Variants in ANKRD33B observed in about 807,000 individuals in gnomAD.
The protein encoded by ANKRD33B is ankyrin repeat domain 33B.
ANKRD33B carries 6 observed loss-of-function variants against 21.5 expected under a neutral mutation model. The ratio of observed to expected loss-of-function variants is 0.28; its 90% CI spans 0.15 to 0.55. The LOEUF is 0.55. Ranked by LOEUF, ANKRD33B falls within the 20% of genes least tolerant of loss-of-function variation. ANKRD33B has a pLI of 0.94. For missense variants in ANKRD33B, 698 were observed against 747.2 expected, an observed-to-expected ratio of 0.93 and a Z score of 0.77; for synonymous variants, 347 against 342.4, an observed-to-expected ratio of 1.01 and a Z score of -0.15.
Position 10,655,427 on chromosome 5 carries a change from C to G in ANKRD33B, c.*5314C>G, listed in dbSNP as rs12515533. Reference sequence around the variant, plus strand: ...AGCCCGCCTCCAAGAGCACTACACTCCCCCCAGCCCCACCGGCCACACTAC... The same window carrying G: ...AGCCCGCCTCCAAGAGCACTACACTGCCCCCAGCCCCACCGGCCACACTAC... On this transcript the variant is annotated 3_prime_UTR_variant, in exon 4 of 4. Coordinates refer to ENST00000296657, the MANE Select transcript of ANKRD33B (RefSeq NM_001164440.2). The G allele has an allele frequency of 3.9e-5, 6 of 152,354 alleles. No homozygotes were observed. Among genetic ancestry groups the G allele is most frequent in the Non-Finnish European group, 4.4e-5 (3 of 68,054 alleles). 9.4% of individuals were successfully genotyped at this position (152,354 alleles called of 1,614,324 possible).
At chr5:10,574,540 A>G (rs1400129034) in intron 1 of ANKRD33B, among the ~76,000 whole-genome samples, 2 of 152,236 alleles carry the variant, frequency 1.3e-5, no homozygotes, top group Non-Finnish European at 2.9e-5. Flanking sequence ...TCTTGAAGGA[A>G]AATTACAGGT....
At position 10,564,077 on chromosome 5, in the gene ANKRD33B, G is replaced by A. The variant is rs1734985114; in HGVS notation, c.-391G>A. On this transcript the variant is annotated 5_prime_UTR_variant, in exon 1 of 4. Transcript: ENST00000296657. ...CTCGGGTTCGGCTTCTTTAGTGATT[G>A]CTTCTGCTTCTCCCGCGCCAGCTGT... Among the ~76,000 whole-genome samples the A allele has an allele frequency of 6.6e-6, 1 of 152,104 alleles. No individual in the cohort carries two copies. The highest frequency in any genetic ancestry group is 1.5e-5 in the Non-Finnish European group (1 of 67,994).
chr5:10,650,933 G>GA lies in ANKRD33B; in HGVS notation c.*827dup, dbSNP rs1254409452. 1.3e-5 allele frequency: 2 copies of GA among 152,276 alleles called. No individual in the cohort carries two copies. Among genetic ancestry groups the GA allele is most frequent in the Admixed American group, 6.5e-5 (1 of 15,290 alleles). 9.4% of individuals were successfully genotyped at this position (152,276 alleles called of 1,614,324 possible). A position where few individuals can be genotyped will look rare whatever the true frequency, so the allele number is the denominator to read the frequency against. On this transcript the variant is annotated 3_prime_UTR_variant, in exon 4 of 4. Coordinates refer to ENST00000296657, the MANE Select transcript of ANKRD33B (RefSeq NM_001164440.2). ...TCTTTAACATTAAAAATAGATATGA[G>GA]AAAAAAACTGTCATTCGATAAAATG...
chr5:10,583,296 G>T (rs373627794), intron 1 of ANKRD33B, among the ~76,000 whole-genome samples: 2 of 152,062 alleles, frequency 1.3e-5, no homozygotes, highest in Non-Finnish European at 2.9e-5. Flanking sequence ...CACCGCGCCC[G>T]ACCTGTCCCT....
intron 1 of ANKRD33B, among the ~76,000 whole-genome samples, chr5:10,571,564 G>A (rs1735195272): frequency 6.6e-6 from 1 of 152,164 alleles, no homozygotes; most frequent in Non-Finnish European, 1.5e-5. Context: ...AACCCAGAGT[G>A]TGCTTTTCAT....
At chr5:10,640,228 G>A (rs1004312050) in intron 3 of ANKRD33B, among the ~76,000 whole-genome samples, 63 of 152,166 alleles carry the variant, frequency 4.1e-4, no homozygotes, top group African/African-American at 1.5e-3. Flanking sequence ...GGCAATTTCC[G>A]TTTTCTATGC....
chr5:10,640,558 C>T (rs893275186), intron 3 of ANKRD33B, among the ~76,000 whole-genome samples: 3 of 152,228 alleles, frequency 2.0e-5, no homozygotes, highest in Non-Finnish European at 4.4e-5. Context: ...AAATATGTGT[C>T]AAGCACATGT....
chr5:10,634,267 G>A (rs997271869), intron 2 of ANKRD33B, among the ~76,000 whole-genome samples: 4 of 152,110 alleles, frequency 2.6e-5, no homozygotes, highest in Non-Finnish European at 5.9e-5. Context: ...TTCCAGTGAC[G>A]CGATTTCATT....
At chr5:10,642,850 A>G (rs1412358074) in intron 3 of ANKRD33B, among the ~76,000 whole-genome samples, 1 of 152,046 alleles carries the variant, frequency 6.6e-6, no homozygotes, top group Non-Finnish European at 1.5e-5. Context: ...GTAAGCCCCT[A>G]CCTCAGGGTT....
At chr5:10,596,614 A>C (rs1445645646) in intron 1 of ANKRD33B, among the ~76,000 whole-genome samples, 1 of 152,210 alleles carries the variant, frequency 6.6e-6, no homozygotes, top group Non-Finnish European at 1.5e-5. Flanking sequence ...CCAATTTGGA[A>C]AACATAATTC....
chr5:10,587,154 A>G (rs759089274), intron 1 of ANKRD33B, among the ~76,000 whole-genome samples: 13 of 152,142 alleles, frequency 8.5e-5, no homozygotes, highest in Non-Finnish European at 1.6e-4. Flanking sequence ...AGCTGGGATT[A>G]CAGACGCCCG....
intron 1 of ANKRD33B, among the ~76,000 whole-genome samples, chr5:10,613,000 C>T (rs901476877): frequency 2.6e-5 from 4 of 152,170 alleles, no homozygotes; most frequent in East Asian, 1.9e-4. Flanking sequence ...GTACTCTCTT[C>T]GTTCTTGGAA....
At chr5:10,621,232 CCAGCTGT>C (rs1736412828) in intron 2 of ANKRD33B, among the ~76,000 whole-genome samples, 1 of 152,168 alleles carries the variant, frequency 6.6e-6, no homozygotes, top group South Asian at 2.1e-4. Flanking sequence ...CTGTCTGTAA[CCAGCTGT>C]ATCTTCAAGG....
intron 2 of ANKRD33B, among the ~76,000 whole-genome samples, chr5:10,629,592 T>TA (rs1440899839): frequency 6.6e-6 from 1 of 151,976 alleles, no homozygotes; most frequent in Non-Finnish European, 1.5e-5. Flanking sequence ...GATACTCAGG[T>TA]AAAAAACTGA....
At chr5:10,620,975 A>G (rs1206254301) in intron 2 of ANKRD33B, among the ~76,000 whole-genome samples, 1 of 152,180 alleles carries the variant, frequency 6.6e-6, no homozygotes, top group Admixed American at 6.5e-5. Flanking sequence ...ATATTTTTCT[A>G]TAAAGAAGAG....
intron 2 of ANKRD33B, among the ~76,000 whole-genome samples, chr5:10,632,814 G>A (rs1474851984): frequency 6.6e-6 from 1 of 152,168 alleles, no homozygotes; most frequent in African/African-American, 2.4e-5. Context: ...TTGAGACAGT[G>A]TCTTGCTCTG....
intron 1 of ANKRD33B, among the ~76,000 whole-genome samples, chr5:10,606,047 G>A (rs1339219493): frequency 6.6e-6 from 1 of 152,180 alleles, no homozygotes; most frequent in Non-Finnish European, 1.5e-5. Context: ...TATGATCACT[G>A]CGTGGAAACC....
chr5:10,616,469 C>T (rs1416308114), intron 1 of ANKRD33B, among the ~76,000 whole-genome samples: 1 of 147,926 alleles, frequency 6.8e-6, no homozygotes, highest in Non-Finnish European at 1.5e-5. Context: ...GAGACTGAAG[C>T]AGGAGAATCG....
In ANKRD33B at chr5:10,649,298, G is replaced by A. The variant is rs1402289952; in HGVS notation, c.670G>A (p.Gly224Arg). The change falls in exon 4 of 4, where the codon GGG becomes AGG. Residue 224 changes from glycine to arginine, a missense_variant. Around this residue, in one of 3 missense-constraint regions of ANKRD33B, gnomAD observed 543 missense variants for 566.5 expected, o/e 0.96. Coordinates refer to ENST00000296657, the MANE Select transcript of ANKRD33B (RefSeq NM_001164440.2). ...TGTCCACGCGAGGGACCCCCGCCGT[G>A]GGATGTCGCCGCAGGAGTGGGCCAC... is the stretch of plus-strand genomic sequence containing the variant. ...ADVHARDPRR[G>R]MSPQEWATYT... The A allele has an allele frequency of 1.3e-6, 2 of 1,529,570 alleles. No individual in the cohort carries two copies. The highest frequency in any genetic ancestry group is 2.5e-5 in the East Asian group (1 of 40,730). 94.7% of individuals were successfully genotyped at this position (1,529,570 alleles called of 1,614,324 possible).
Sources: gnomAD v4.1 joint callset for allele counts (sites outside exome capture counted in the v4.1 genomes callset) on GRCh38, gnomAD v4.1.1 for gene constraint, gnomAD v4.1.1 regional missense constraint, MANE v1.5 for transcripts, NCBI Gene and HGNC (gene_info 2026-07-23, HGNC 2026-07-21) for gene names.